The following CORIN variants were observed in gnomAD, a reference collection of about 807,000 sequenced individuals.
The protein encoded by CORIN is corin, serine peptidase, also known as atrial natriuretic peptide-converting enzyme.
A neutral mutation model predicts 125.3 loss-of-function variants in CORIN; 117 were observed. The ratio of observed to expected loss-of-function variants is 0.93; its 90% CI spans 0.80 to 1.09. The LOEUF (loss-of-function observed/expected upper bound fraction) is 1.09, where lower values mean the gene tolerates loss of function less well. Ranked by LOEUF, CORIN falls within the 50% of genes least tolerant of loss-of-function variation. The probability of loss-of-function intolerance (pLI) is 0.00; values close to 1 mark genes in which losing one functional copy is unlikely to be tolerated. For synonymous variants in CORIN, 450 were observed against 466.4 expected, an observed-to-expected ratio of 0.96 and a Z score of 0.45; for missense variants, 1,253 against 1,306.7, an observed-to-expected ratio of 0.96 and a Z score of 0.63.
intron 2 of CORIN, 101 bp downstream of exon 2, chr4:47,806,798 TTGAC>T: frequency 8.3e-7 from 1 of 1,208,896 alleles, no homozygotes; most frequent in Non-Finnish European, 1.1e-6. Flanking sequence ...AATCCTCTCA[TTGAC>T]TGACACTTTG....
intron 16 of CORIN, among the ~76,000 whole-genome samples, chr4:47,636,396 A>G (rs1416647658): frequency 6.6e-6 from 1 of 152,214 alleles, no homozygotes; most frequent in Non-Finnish European, 1.5e-5. Context: ...TCTGATTTGT[A>G]TCATCAATTA....
intron 1 of CORIN, among the ~76,000 whole-genome samples, chr4:47,818,345 T>C (rs1442207470): frequency 6.6e-6 from 1 of 152,140 alleles, no homozygotes; most frequent in African/African-American, 2.4e-5. Context: ...CCAGGTCTAA[T>C]ACGCTTAAAG....
intron 5 of CORIN, among the ~76,000 whole-genome samples, chr4:47,709,584 A>G (rs1726747909): frequency 6.6e-6 from 1 of 152,154 alleles, no homozygotes; most frequent in Non-Finnish European, 1.5e-5. Flanking sequence ...GAACCACTGC[A>G]CCTGGCCAGA....
At chr4:47,745,923 T>G (rs1346615598) in intron 4 of CORIN, among the ~76,000 whole-genome samples, 1 of 152,200 alleles carries the variant, frequency 6.6e-6, no homozygotes, top group Non-Finnish European at 1.5e-5. Context: ...TAAAACTGAG[T>G]ATCTTTTGGA....
At chr4:47,608,685 T>C (rs963749186) in intron 19 of CORIN, among the ~76,000 whole-genome samples, 2 of 152,242 alleles carry the variant, frequency 1.3e-5, no homozygotes, top group Admixed American at 1.3e-4. Context: ...ATAGACAATA[T>C]TGAGCTTGTA....
chr4:47,696,617 T>C (rs1321464470), intron 5 of CORIN, among the ~76,000 whole-genome samples: 3 of 152,214 alleles, frequency 2.0e-5, no homozygotes, highest in Non-Finnish European at 2.9e-5. Flanking sequence ...TATATGAAGT[T>C]ATACTGCCTA....
rs562440048 is a variant in CORIN, at chr4:47,658,976, G to C, written c.1735+2735C>G. The stretch of plus-strand genomic sequence containing the variant: ...CAGGCTATCTCTTGAACACTTTGTT[G>C]CTTAGAAATTTCTTTCATCAGATAC... On this transcript the variant is annotated intron_variant, in intron 12 of 21. Coordinates refer to ENST00000273857, the MANE Select transcript of CORIN (RefSeq NM_006587.4). Among the ~76,000 whole-genome samples, 36 of 152,272 alleles carry C rather than the reference G, an allele frequency of 2.4e-4. No individual in the cohort carries two copies. The South Asian group carries it at 7.3e-3, about 31-fold the overall frequency.
At chr4:47,735,571 T>A (rs890385101) in intron 5 of CORIN, among the ~76,000 whole-genome samples, 19 of 152,164 alleles carry the variant, frequency 1.2e-4, no homozygotes, top group Non-Finnish European at 7.3e-5. Context: ...ATTTGCAATA[T>A]CCTCTGATAT....
At chr4:47,665,917 C>T (rs560186597) in intron 10 of CORIN, among the ~76,000 whole-genome samples, 2 of 152,266 alleles carry the variant, frequency 1.3e-5, no homozygotes, top group African/African-American at 4.8e-5. Flanking sequence ...GTAATAAATT[C>T]TATTCCCTTA....
chr4:47,677,042 ATTT>A (rs1725053675), intron 9 of CORIN, among the ~76,000 whole-genome samples: 4 of 152,220 alleles, frequency 2.6e-5, no homozygotes, highest in Non-Finnish European at 5.9e-5. Flanking sequence ...GACAAACCTA[ATTT>A]ATCTATAGGT....
At chr4:47,701,891 G>A (rs1353581780) in intron 5 of CORIN, among the ~76,000 whole-genome samples, 2 of 152,064 alleles carry the variant, frequency 1.3e-5, no homozygotes, top group African/African-American at 4.8e-5. Context: ...TGGAAAACAA[G>A]ATGTACATCA....
chr4:47,669,865 G>C (rs1013043372), intron 10 of CORIN, among the ~76,000 whole-genome samples: 1 of 152,104 alleles, frequency 6.6e-6, no homozygotes, highest in Non-Finnish European at 1.5e-5. Context: ...CACCGCACCC[G>C]GCTTCTTTAT....
At chr4:47,816,845 TGC>T (rs1732291606) in intron 1 of CORIN, among the ~76,000 whole-genome samples, 1 of 144,322 alleles carries the variant, frequency 6.9e-6, no homozygotes, top group Non-Finnish European at 1.5e-5. Context: ...CACACACACG[TGC>T]ACACACACAC....
Position 47,670,134 on chromosome 4 carries a change from T to C in CORIN, c.1357+4259A>G, listed in dbSNP as rs368135388. Among the ~76,000 whole-genome samples, 32 of 152,318 alleles carry C rather than the reference T, an allele frequency of 2.1e-4. No individual in the cohort carries two copies. In the South Asian group the frequency reaches 6.6e-3, roughly 32 times the overall value. On this transcript the variant is annotated intron_variant, in intron 10 of 21. Coordinates refer to ENST00000273857, the MANE Select transcript of CORIN (RefSeq NM_006587.4). ...CTTTCTATTTCTGAACCTCGGCAGC[T>C]GAATCAACAAGAGTGGGCTGGGCTT...
chr4:47,830,402 C>T (rs1023626954), intron 1 of CORIN, among the ~76,000 whole-genome samples: 4 of 152,168 alleles, frequency 2.6e-5, no homozygotes, highest in African/African-American at 9.7e-5. Context: ...AGATTCCTTT[C>T]TCTCATCTTT....
chr4:47,734,017 G>A (rs778040910), intron 5 of CORIN, among the ~76,000 whole-genome samples: 1 of 152,092 alleles, frequency 6.6e-6, no homozygotes, highest in Non-Finnish European at 1.5e-5. Flanking sequence ...GGGCTGTAGC[G>A]GCGGGTATTA....
intron 1 of CORIN, among the ~76,000 whole-genome samples, chr4:47,816,857 C>G (rs113024598): frequency 3.6e-4 from 55 of 152,230 alleles, no homozygotes; most frequent in African/African-American, 1.3e-3. Flanking sequence ...CACACACACA[C>G]ACACACTCAC....
intron 2 of CORIN, among the ~76,000 whole-genome samples, chr4:47,805,943 A>G (rs1731774088): frequency 6.6e-6 from 1 of 152,208 alleles, no homozygotes; most frequent in Non-Finnish European, 1.5e-5. Flanking sequence ...GATTCATATC[A>G]TTAGGTAGCC....
chr4:47,804,464 A>C (rs1417480723), intron 2 of CORIN, among the ~76,000 whole-genome samples: 1 of 152,208 alleles, frequency 6.6e-6, no homozygotes, highest in Non-Finnish European at 1.5e-5. Flanking sequence ...CTAAATGTCC[A>C]TCAACAGATG....
Sources: allele counts gnomAD v4.1 joint callset (sites outside exome capture counted in the v4.1 genomes callset), GRCh38; gene constraint gnomAD v4.1.1; transcripts MANE v1.5; gene names NCBI Gene and HGNC (gene_info 2026-07-23, HGNC 2026-07-21).